TRHR: variants seen among roughly 807,000 people sequenced by gnomAD.
TRHR encodes the protein thyrotropin releasing hormone receptor.
A neutral mutation model predicts 28.0 loss-of-function variants in TRHR; 14 were observed. The ratio of observed to expected loss-of-function variants is 0.50; its 90% confidence interval spans 0.33 to 0.78. The LOEUF (loss-of-function observed/expected upper bound fraction) is 0.78. Among genes scored for constraint, TRHR ranks in the 30% least tolerant of loss-of-function variants. TRHR has a pLI of 0.02. For missense variants in TRHR, 438 were observed against 469.5 expected (o/e 0.93, Z 0.62); for synonymous variants, 176 against 171.9 (o/e 1.02, Z -0.18).
intron 2 of TRHR, among the ~76,000 whole-genome samples, chr8:109,101,991 A>C (rs558869181): frequency 1.2e-4 from 19 of 152,272 alleles, no homozygotes; most frequent in African/African-American, 4.1e-4. Flanking sequence ...GAAATCAAAG[A>C]AGGAGACTAT....
chr8:109,110,208 A>G (rs1243734125), intron 2 of TRHR, among the ~76,000 whole-genome samples: 1 of 152,170 alleles, frequency 6.6e-6, no homozygotes, highest in Non-Finnish European at 1.5e-5. Context: ...TGGATGTGCC[A>G]CACTTATAAA....
chr8:109,110,897 T>C (rs927874961), intron 2 of TRHR, among the ~76,000 whole-genome samples: 1 of 152,198 alleles, frequency 6.6e-6, no homozygotes, highest in Admixed American at 6.5e-5. Flanking sequence ...GGCTCACGCC[T>C]GTAATCCCAG....
intron 2 of TRHR, among the ~76,000 whole-genome samples, chr8:109,111,906 A>T (rs886894572): frequency 1.3e-5 from 2 of 152,186 alleles, no homozygotes; most frequent in Non-Finnish European, 2.9e-5. Context: ...CTTGAAAATC[A>T]CTCATTATAA....
At chr8:109,098,104 C>T (rs73311317) in intron 2 of TRHR, among the ~76,000 whole-genome samples, 1 of 151,892 alleles carries the variant, frequency 6.6e-6, no homozygotes, top group Admixed American at 6.6e-5. Flanking sequence ...TGTGAAGAAG[C>T]CTCCTTCCAA....
chr8:109,110,996 A>G (rs1403078079), intron 2 of TRHR, among the ~76,000 whole-genome samples: 7 of 152,262 alleles, frequency 4.6e-5, no homozygotes, highest in African/African-American at 1.7e-4. Flanking sequence ...TCTCTACAAA[A>G]TACAAAAATT....
At position 109,121,478 on chromosome 8, in the gene TRHR, A is replaced by G. The variant is rs889290286; in HGVS notation, c.*2023A>G. On this transcript the variant is annotated 3_prime_UTR_variant, in exon 3 of 3. Transcript: ENST00000518632. ...ACATTATCTTCATCACAATTTCACTACAGCTGTAATTTCTCTGATGATTAG... is the reference window on the plus strand; with the variant it reads ...ACATTATCTTCATCACAATTTCACTGCAGCTGTAATTTCTCTGATGATTAG... Among the ~76,000 whole-genome samples the G allele has an allele frequency of 3.3e-5, 5 of 151,688 alleles. No individual in the cohort carries two copies. The highest frequency in any genetic ancestry group is 5.9e-5 in the Non-Finnish European group (4 of 67,780).
At chr8:109,115,685 A>G (rs572817326) in intron 2 of TRHR, among the ~76,000 whole-genome samples, 13 of 152,298 alleles carry the variant, frequency 8.5e-5, no homozygotes, top group African/African-American at 2.9e-4. Context: ...GAAGTTGCTT[A>G]TCAGCTTCAG....
At position 109,118,912 on chromosome 8, in the gene TRHR, C is replaced by T; in HGVS notation, c.790-136C>T. ...TTAATCCTGCTTCCTGGGATCACCT[C>T]CCCAATAAATGACCTGCACCTAACT... is the stretch of plus-strand genomic sequence containing the variant. On this transcript the variant is annotated intron_variant, in intron 2 of 2. Transcript: ENST00000518632. The T allele has an allele frequency of 3.7e-6, 4 of 1,084,796 alleles. No homozygotes were observed. In the Admixed American group the frequency reaches 5.5e-5, roughly 15 times the overall value. 67.2% of individuals were successfully genotyped at this position (1,084,796 alleles called of 1,614,324 possible). A position where few individuals can be genotyped will look rare whatever the true frequency, so the allele number is the denominator to read the frequency against.
chr8:109,111,867 A>T (rs1235651078), intron 2 of TRHR, among the ~76,000 whole-genome samples: 1 of 152,212 alleles, frequency 6.6e-6, no homozygotes, highest in African/African-American at 2.4e-5. Context: ...GAGTCTATTC[A>T]CAAATTAAAG....
At chr8:109,107,219 A>G (rs1563625356) in intron 2 of TRHR, among the ~76,000 whole-genome samples, 2 of 152,188 alleles carry the variant, frequency 1.3e-5, no homozygotes. Context: ...CAAAGGCTTC[A>G]TCTGTCATTT....
At chr8:109,092,729 G>A (rs1431873513) in intron 2 of TRHR, among the ~76,000 whole-genome samples, 4 of 151,994 alleles carry the variant, frequency 2.6e-5, no homozygotes, top group African/African-American at 4.8e-5. Context: ...TTGAGCCACC[G>A]CACCCGGCAC....
At chr8:109,089,573 A>G (rs1811493555) in intron 2 of TRHR, among the ~76,000 whole-genome samples, 4 of 152,152 alleles carry the variant, frequency 2.6e-5, no homozygotes, top group Admixed American at 2.0e-4. Context: ...TTTATATAAT[A>G]CTTATTATTA....
chr8:109,097,194 G>T (rs939816918), intron 2 of TRHR, among the ~76,000 whole-genome samples: 4 of 152,130 alleles, frequency 2.6e-5, no homozygotes, highest in African/African-American at 7.2e-5. Flanking sequence ...TGGACAGAAG[G>T]CATAGAGAGG....
chr8:109,115,136 G>A (rs897490103), intron 2 of TRHR, among the ~76,000 whole-genome samples: 16 of 152,050 alleles, frequency 1.1e-4, no homozygotes, highest in Admixed American at 2.6e-4. Context: ...GATATGCGGC[G>A]TTATTTCTGA....
rs1811989715 is a variant in TRHR at position 109,120,363 on chromosome 8, G to T, written c.*908G>T. Among the ~76,000 whole-genome samples, 1 of 151,676 alleles carries T rather than the reference G, an allele frequency of 6.6e-6. No homozygotes were observed. Among genetic ancestry groups the T allele is most frequent in the African/African-American group, 2.4e-5 (1 of 41,352 alleles). ...AACATTCTTGTTTATAAACTACTCA[G>T]CCATGTCAAGCAAATCATTCAAGCA... is the stretch of plus-strand genomic sequence containing the variant. On this transcript the variant is annotated 3_prime_UTR_variant, in exon 3 of 3. Transcript: ENST00000518632.
At chr8:109,097,802 G>A (rs1563622852) in intron 2 of TRHR, among the ~76,000 whole-genome samples, 1 of 152,210 alleles carries the variant, frequency 6.6e-6, no homozygotes, top group East Asian at 1.9e-4. Context: ...CAATGCCAGA[G>A]AATATCACAT....
chr8:109,096,848 G>A (rs1337800493), intron 2 of TRHR, among the ~76,000 whole-genome samples: 3 of 151,980 alleles, frequency 2.0e-5, no homozygotes, highest in Admixed American at 6.6e-5. Context: ...GTGTGAAAGA[G>A]TTCATTCGTA....
At chr8:109,096,693 A>G (rs531774161) in intron 2 of TRHR, among the ~76,000 whole-genome samples, 12 of 152,336 alleles carry the variant, frequency 7.9e-5, no homozygotes, top group Admixed American at 2.0e-4. Flanking sequence ...CAAATATGAC[A>G]AGCCAGGGCC....
chr8:109,119,373 T>C lies in TRHR; in HGVS notation c.1115T>C (p.Val372Ala). Residue 372 changes from valine to alanine, a missense_variant, in exon 3 of 3, where the codon GTC becomes GCC. Transcript: ENST00000518632. Reference protein sequence around the residue: ...HFSTELDDITVTDTYLSATKV... With the variant: ...HFSTELDDITATDTYLSATKV... ...AGCACAGAGCTTGATGATATCACTG[T>C]CACTGACACTTACCTGTCTGCCACA... 1 of 1,612,412 alleles carries C rather than the reference T, an allele frequency of 6.2e-7. No homozygotes were observed. Among genetic ancestry groups the C allele is most frequent in the Non-Finnish European group, 8.5e-7 (1 of 1,179,068 alleles).
Sources: allele counts gnomAD v4.1 joint callset (sites outside exome capture counted in the v4.1 genomes callset), GRCh38; gene constraint gnomAD v4.1.1; transcripts MANE v1.5; gene names NCBI Gene and HGNC (gene_info 2026-07-23, HGNC 2026-07-21).